LRP5: variants seen among roughly 807,000 people sequenced by gnomAD.
LRP5 encodes LDL receptor related protein 5.
Under a neutral mutation model 154.1 loss-of-function variants are expected in LRP5, and 62 were observed. The observed-to-expected ratio is 0.40, with a 90% CI of 0.33 to 0.50. The LOEUF (loss-of-function observed/expected upper bound fraction) is 0.50, where lower values mean the gene tolerates loss of function less well. Ranked by LOEUF, LRP5 falls within the 20% of genes least tolerant of loss-of-function variation. The pLI is 0.55. For synonymous variants in LRP5, 966 were observed against 1,011.5 expected (o/e 0.96, Z 0.85); for missense variants, 1,915 against 2,336.7 (o/e 0.82, Z 3.72).
In LRP5 at chr11:68,403,591, C is replaced by T. The variant is rs745350421; in HGVS notation, c.1693C>T (p.Arg565Cys). 31 of 1,614,044 alleles carry T rather than the reference C, an allele frequency of 1.9e-5. No individual in the cohort carries two copies. Among genetic ancestry groups the T allele is most frequent in the South Asian group, 7.7e-5 (7 of 91,086 alleles). Residue 565 changes from arginine to cysteine, a missense_variant, in exon 8 of 23, where the codon CGC becomes TGC. Coordinates refer to ENST00000294304, the MANE Select transcript of LRP5 (RefSeq NM_002335.4). ...GDFIYWTDWQ[R>C]RSIERVHKVK... Reference sequence around the variant, plus strand: ...CTTCATCTACTGGACTGACTGGCAGCGCCGCAGCATCGAGCGGGTGCACAA... The same window carrying T: ...CTTCATCTACTGGACTGACTGGCAGTGCCGCAGCATCGAGCGGGTGCACAA...
intron 1 of LRP5, among the ~76,000 whole-genome samples, chr11:68,322,421 T>C (rs2098597250): frequency 6.6e-6 from 1 of 152,236 alleles, no homozygotes; most frequent in Non-Finnish European, 1.5e-5. Context: ...TTTCTCCAAG[T>C]AGTTTTCATC....
At chr11:68,308,006 A>C (rs2098584935), upstream of LRP5, among the ~76,000 whole-genome samples, 1 of 152,214 alleles carries the variant, frequency 6.6e-6, no homozygotes, top group Admixed American at 6.5e-5. Flanking sequence ...CATAGAAACC[A>C]TGGCCTGTTA....
At chr11:68,422,059 C>T (rs1019261164) in intron 13 of LRP5, among the ~76,000 whole-genome samples, 2 of 152,100 alleles carry the variant, frequency 1.3e-5, no homozygotes, top group African/African-American at 2.4e-5. Flanking sequence ...TTCTGAATAG[C>T]TGGGACTGTA....
At chr11:68,312,393 C>G (rs1323146385), upstream of LRP5, among the ~76,000 whole-genome samples, 4 of 151,094 alleles carry the variant, frequency 2.6e-5, no homozygotes, top group Non-Finnish European at 5.9e-5. Context: ...CCAAGCCTCC[C>G]GGAGGCACCT....
intron 1 of LRP5, among the ~76,000 whole-genome samples, chr11:68,344,847 CTCTTTTTT>C (rs2098611450): frequency 8.5e-6 from 1 of 117,966 alleles, no homozygotes; most frequent in Admixed American, 9.5e-5. Context: ...CAGAATCTCT[CTCTTTTTT>C]TTTTTTTTTT....
chr11:68,409,830 A>G, intron 9 of LRP5, 84 bp from the exon 10 acceptor site: 1 of 1,084,420 alleles, frequency 9.2e-7, no homozygotes, highest in Non-Finnish European at 1.4e-6. Context: ...AGGCTGGGCA[A>G]GAAGAGCGAA....
intron 7 of LRP5, among the ~76,000 whole-genome samples, chr11:68,395,412 A>G (rs1032680465): frequency 1.3e-5 from 2 of 151,960 alleles, no homozygotes; most frequent in Admixed American, 6.6e-5. Context: ...ATGCACTGGA[A>G]GCTCATTACC....
chr11:68,420,185 G>A (rs1270436823), intron 13 of LRP5, among the ~76,000 whole-genome samples: 1 of 152,090 alleles, frequency 6.6e-6, no homozygotes, highest in Admixed American at 6.6e-5. Flanking sequence ...TCACCTTCTC[G>A]GCAGATGTCC....
intron 12 of LRP5, among the ~76,000 whole-genome samples, chr11:68,416,098 A>G (rs988707995): frequency 6.6e-6 from 1 of 152,104 alleles, no homozygotes; most frequent in Non-Finnish European, 1.5e-5. Flanking sequence ...TTTATGATCT[A>G]TTTCAAAAAT....
At chr11:68,417,316 T>A (rs1033307550) in intron 13 of LRP5, among the ~76,000 whole-genome samples, 5 of 152,120 alleles carry the variant, frequency 3.3e-5, no homozygotes, top group African/African-American at 1.2e-4. Flanking sequence ...GGTGTGACCC[T>A]GCGCAGTTCC....
At position 68,425,041 on chromosome 11, in the gene LRP5, T is replaced by C. The variant is rs1005230069; in HGVS notation, c.3237-61T>C. 1.8e-5 allele frequency: 27 copies of C among 1,518,604 alleles called. No homozygotes were observed. The Admixed American group carries it at 4.2e-4, about 24-fold the overall frequency. 94.1% of individuals were successfully genotyped at this position (1,518,604 alleles called of 1,614,324 possible). ...CACAGCCCAGCTGGGTGCCCTGGGCTCCGTGCTGTCCGAGGAGACGCCATC... is the reference window on the plus strand; with the variant it reads ...CACAGCCCAGCTGGGTGCCCTGGGCCCCGTGCTGTCCGAGGAGACGCCATC... On this transcript the variant is annotated intron_variant, in intron 14 of 22. Transcript: ENST00000294304.
intron 2 of LRP5, among the ~76,000 whole-genome samples, chr11:68,355,864 G>A (rs560957857): frequency 5.8e-4 from 88 of 151,876 alleles, no homozygotes; most frequent in African/African-American, 2.1e-3. Flanking sequence ...TTTTTGAGAC[G>A]GAGTGTTGCT....
chr11:68,299,922 G>A, the LRP5 span, among the ~76,000 whole-genome samples: 5 of 148,492 alleles, frequency 3.4e-5, no homozygotes, highest in East Asian at 3.9e-4. Context: ...TTTTTGAGAC[G>A]GAGTCTTGTT....
chr11:68,448,196 G>A (rs886887618), intron 22 of LRP5, among the ~76,000 whole-genome samples: 9 of 152,274 alleles, frequency 5.9e-5, no homozygotes, highest in South Asian at 2.1e-4. Context: ...TCACTACCAC[G>A]AGAACAGTAT....
At chr11:68,409,777 G>T (rs149787603) in intron 9 of LRP5, 137 bp from the exon 10 acceptor site, 1 of 734,290 alleles carries the variant, frequency 1.4e-6, no homozygotes, top group Non-Finnish European at 2.4e-6. Context: ...TTGAACCCAG[G>T]GGGCAGAGGT....
chr11:68,375,563 C>T (rs944990269), intron 5 of LRP5, among the ~76,000 whole-genome samples: 1 of 152,208 alleles, frequency 6.6e-6, no homozygotes. Flanking sequence ...CCGTGCGCAG[C>T]CCTCTGAGAG....
At chr11:68,395,697 G>A (rs1025904811) in intron 7 of LRP5, among the ~76,000 whole-genome samples, 1 of 152,106 alleles carries the variant, frequency 6.6e-6, no homozygotes, top group Non-Finnish European at 1.5e-5. Context: ...GCAGGTGGAT[G>A]CCCAGACCCG....
intron 3 of LRP5, among the ~76,000 whole-genome samples, chr11:68,358,099 A>G (rs575939417): frequency 1.3e-5 from 2 of 150,766 alleles, no homozygotes; most frequent in East Asian, 1.9e-4. Flanking sequence ...GCCCACACCC[A>G]TGCACAGTTT....
At chr11:68,320,876 T>G (rs1326375874) in intron 1 of LRP5, among the ~76,000 whole-genome samples, 1 of 152,196 alleles carries the variant, frequency 6.6e-6, no homozygotes, top group Admixed American at 6.5e-5. Context: ...TCATCCTTGT[T>G]TCTGGTGGTA....
Sources: allele counts gnomAD v4.1 joint callset (sites outside exome capture counted in the v4.1 genomes callset), GRCh38; gene constraint gnomAD v4.1.1; transcripts MANE v1.5; gene names NCBI Gene and HGNC (gene_info 2026-07-23, HGNC 2026-07-21).